The following RBMS3 variants were observed in gnomAD, a reference collection of about 807,000 sequenced individuals.
The protein encoded by RBMS3 is RNA binding motif single stranded interacting protein 3.
In RBMS3, 27 loss-of-function variants were observed where a neutral mutation model predicts 66.8. The observed-to-expected ratio is 0.40, with a 90% CI of 0.30 to 0.56. RBMS3 has a LOEUF of 0.56. Ranked by LOEUF, RBMS3 falls within the 20% of genes least tolerant of loss-of-function variation. RBMS3 has a pLI of 0.40. For missense variants in RBMS3, 513 were observed against 549.5 expected, an observed-to-expected ratio of 0.93 and a Z score of 0.66; for synonymous variants, 188 against 183.0, an observed-to-expected ratio of 1.03 and a Z score of -0.22.
intron 1 of RBMS3, among the ~76,000 whole-genome samples, chr3:29,406,646 T>C (rs777934531): frequency 2.2e-4 from 33 of 152,220 alleles, no homozygotes; most frequent in Non-Finnish European, 2.8e-4. Flanking sequence ...AGACTGGGCT[T>C]GATGTTGAAA....
At chr3:29,916,699 AT>A (rs2149644788) in intron 10 of RBMS3, among the ~76,000 whole-genome samples, 1 of 149,182 alleles carries the variant, frequency 6.7e-6, no homozygotes, top group South Asian at 2.1e-4. Context: ...AGAAAAATAT[AT>A]GTTATAAGAG....
intron 3 of RBMS3, among the ~76,000 whole-genome samples, chr3:29,527,657 C>G (rs1341855579): frequency 1.1e-4 from 17 of 152,136 alleles, no homozygotes; most frequent in Non-Finnish European, 1.2e-4. Context: ...ATTGATAACA[C>G]CACTTTAATT....
intron 1 of RBMS3, among the ~76,000 whole-genome samples, chr3:29,362,149 C>G (rs959899161): frequency 6.6e-6 from 1 of 152,198 alleles, no homozygotes; most frequent in African/African-American, 2.4e-5. Flanking sequence ...TTCAGTTTTT[C>G]TGTTCTGTTT....
chr3:29,661,424 G>A (rs2050542510), intron 4 of RBMS3, among the ~76,000 whole-genome samples: 1 of 152,070 alleles, frequency 6.6e-6, no homozygotes, highest in East Asian at 1.9e-4. Flanking sequence ...ACAATAACTA[G>A]CCTTTAAGTT....
chr3:29,482,697 C>CTTTTTTT (rs1216159878), intron 2 of RBMS3, among the ~76,000 whole-genome samples: 72 of 92,920 alleles, frequency 7.7e-4, no homozygotes, highest in Non-Finnish European at 1.2e-3. Context: ...TTCTTTCTTT[C>CTTTTTTT]TTTCTTTTTT....
intron 4 of RBMS3, among the ~76,000 whole-genome samples, chr3:29,682,419 C>G (rs80308597): frequency 6.6e-6 from 1 of 152,180 alleles, no homozygotes; most frequent in East Asian, 1.9e-4. Context: ...TCCCAAAGTG[C>G]GGGGATGACA....
chr3:29,286,303 T>C (rs138043573), intron 1 of RBMS3, among the ~76,000 whole-genome samples: 41 of 152,180 alleles, frequency 2.7e-4, no homozygotes, highest in Non-Finnish European at 4.1e-4. Context: ...TTTTGTTTTT[T>C]TTTCTTAACT....
chr3:29,757,317 A>G (rs1406635024), intron 5 of RBMS3, among the ~76,000 whole-genome samples: 1 of 152,246 alleles, frequency 6.6e-6, no homozygotes, highest in East Asian at 1.9e-4. Flanking sequence ...TGCAGAAAGC[A>G]TGGGTTAAAC....
chr3:29,341,909 A>T (rs906445044), intron 1 of RBMS3, among the ~76,000 whole-genome samples: 1 of 152,114 alleles, frequency 6.6e-6, no homozygotes, highest in Non-Finnish European at 1.5e-5. Flanking sequence ...GCCAAACACT[A>T]CTAACTGGAT....
intron 9 of RBMS3, among the ~76,000 whole-genome samples, chr3:29,898,772 CTTTT>C (rs907752430): frequency 9.6e-6 from 1 of 103,680 alleles, no homozygotes; most frequent in Non-Finnish European, 2.0e-5. Flanking sequence ...TGTGTGTTTC[CTTTT>C]TTTTTCTAAT....
chr3:29,307,084 A>G (rs185962792), intron 1 of RBMS3, among the ~76,000 whole-genome samples: 33 of 152,022 alleles, frequency 2.2e-4, no homozygotes, highest in Admixed American at 2.0e-4. Context: ...CCTTGTTTAA[A>G]ATTGCTGCTA....
At chr3:29,467,570 A>C (rs1352492507) in intron 2 of RBMS3, among the ~76,000 whole-genome samples, 1 of 152,136 alleles carries the variant, frequency 6.6e-6, no homozygotes, top group Admixed American at 6.5e-5. Flanking sequence ...GTGATGCCAA[A>C]GCTGTTGTTC....
At chr3:29,921,716 G>T (rs1398479475) in intron 10 of RBMS3, among the ~76,000 whole-genome samples, 2 of 152,148 alleles carry the variant, frequency 1.3e-5, no homozygotes, top group African/African-American at 4.8e-5. Context: ...AGACTTCAGG[G>T]TCTCAGTAAA....
chr3:29,712,170 A>T (rs962710437), intron 4 of RBMS3, among the ~76,000 whole-genome samples: 10 of 152,154 alleles, frequency 6.6e-5, no homozygotes, highest in Non-Finnish European at 2.9e-5. Context: ...AATCATCCCT[A>T]GCTGTGGTGG....
chr3:29,555,269 A>G (rs2046316862), intron 3 of RBMS3, among the ~76,000 whole-genome samples: 1 of 152,220 alleles, frequency 6.6e-6, no homozygotes, highest in Non-Finnish European at 1.5e-5. Context: ...TTACAGACCA[A>G]TGTGTTAGAG....
At chr3:29,930,097 T>TTTTCTTTC (rs1187712918) in intron 10 of RBMS3, among the ~76,000 whole-genome samples, 8,121 of 72,764 alleles carry the variant, frequency 0.11, 2,212 homozygotes, top group Middle Eastern at 0.24. Flanking sequence ...TTTGTGTCAC[T>TTTTCTTTC]TTTCTTTCTT....
At chr3:29,594,769 A>C (rs1452810421) in intron 4 of RBMS3, among the ~76,000 whole-genome samples, 1 of 152,120 alleles carries the variant, frequency 6.6e-6, no homozygotes, top group African/African-American at 2.4e-5. Flanking sequence ...AAAACTCAAT[A>C]TTGAAATTGT....
chr3:29,417,991 C>A (rs972354395), intron 1 of RBMS3, among the ~76,000 whole-genome samples: 1 of 152,046 alleles, frequency 6.6e-6, no homozygotes, highest in Non-Finnish European at 1.5e-5. Flanking sequence ...GGAATTTAAG[C>A]TTGTATAATA....
At chr3:29,757,985 T>G (rs1338318856) in intron 5 of RBMS3, among the ~76,000 whole-genome samples, 2 of 152,212 alleles carry the variant, frequency 1.3e-5, no homozygotes, top group Non-Finnish European at 2.9e-5. Context: ...CTTTGTTTGT[T>G]GGAGTAGTAC....
Sources: gnomAD v4.1 joint callset for allele counts (sites outside exome capture counted in the v4.1 genomes callset) on GRCh38, gnomAD v4.1.1 for gene constraint, MANE v1.5 for transcripts, NCBI Gene and HGNC (gene_info 2026-07-23, HGNC 2026-07-21) for gene names.